Variants in MALRD1 observed in about 807,000 individuals in gnomAD.
The protein encoded by MALRD1 is MAM and LDL-receptor class A domain-containing protein 1.
Under a neutral mutation model 242.1 loss-of-function variants are expected in MALRD1, and 247 were observed. The ratio of observed to expected loss-of-function variants is 1.02; its 90% confidence interval spans 0.92 to 1.13. MALRD1 has a LOEUF of 1.13. Ranked by LOEUF, MALRD1 falls within the 50% of genes most tolerant of loss-of-function variation. MALRD1 has a pLI of 0.00. For synonymous variants in MALRD1, 995 were observed against 866.6 expected (o/e 1.15, Z -2.60); for missense variants, 2,989 against 2,533.1 (o/e 1.18, Z -3.86).
At chr10:19,157,671 C>A (rs1353241587) in intron 12 of MALRD1, among the ~76,000 whole-genome samples, 2 of 152,104 alleles carry the variant, frequency 1.3e-5, no homozygotes, top group Admixed American at 1.3e-4. Context: ...TTCATGGAAC[C>A]AATGTTCTTC....
chr10:19,388,200 G>C (rs1042007290), intron 27 of MALRD1, among the ~76,000 whole-genome samples: 5 of 152,082 alleles, frequency 3.3e-5, no homozygotes, highest in African/African-American at 1.2e-4. Flanking sequence ...TTAGGACCCA[G>C]TCATATTGGA....
intron 12 of MALRD1, among the ~76,000 whole-genome samples, chr10:19,158,260 A>G (rs1834251409): frequency 6.6e-6 from 1 of 152,272 alleles, no homozygotes. Context: ...AAATACAGGA[A>G]GATGGATAAT....
At position 19,161,102 on chromosome 10, in the gene MALRD1, C is replaced by G. The variant is rs558725933; in HGVS notation, c.1657-4535C>G. ...ACAATAGCAAAGACTTGGAACCAAC[C>G]CAAATGTCCAACAATGATAGACTGG... On this transcript the variant is annotated intron_variant, in intron 12 of 39. Coordinates refer to ENST00000454679, the MANE Select transcript of MALRD1 (RefSeq NM_001142308.3). Among the ~76,000 whole-genome samples the G allele has an allele frequency of 5.5e-3, 782 of 141,432 alleles. 8 individuals are homozygous for G. The highest frequency in any genetic ancestry group is 0.02 in the African/African-American group (749 of 37,952). 92.8% of individuals were successfully genotyped at this position (141,432 alleles called of 152,430 possible).
intron 28 of MALRD1, among the ~76,000 whole-genome samples, chr10:19,447,177 G>A (rs916424411): frequency 5.3e-5 from 8 of 151,754 alleles, no homozygotes; most frequent in Non-Finnish European, 7.4e-5. Context: ...AAATTAGTAC[G>A]TCTCCAGGTA....
At chr10:19,143,452 A>T (rs2131432339) in intron 10 of MALRD1, among the ~76,000 whole-genome samples, 1 of 152,324 alleles carries the variant, frequency 6.6e-6, no homozygotes, top group East Asian at 1.9e-4. Context: ...TGCTGTTTGC[A>T]TGGACTTGTA....
intron 4 of MALRD1, among the ~76,000 whole-genome samples, chr10:19,097,478 A>T (rs1333003287): frequency 6.6e-6 from 1 of 152,210 alleles, no homozygotes; most frequent in Non-Finnish European, 1.5e-5. Flanking sequence ...CATTTTTAAA[A>T]AATTGCAGAC....
intron 6 of MALRD1, among the ~76,000 whole-genome samples, chr10:19,124,208 C>A (rs1426389731): frequency 6.6e-6 from 1 of 151,956 alleles, no homozygotes; most frequent in Non-Finnish European, 1.5e-5. Flanking sequence ...AGAACAAGAC[C>A]CTGTCTCTTA....
chr10:19,177,726 G>A (rs1397471538), intron 14 of MALRD1, among the ~76,000 whole-genome samples: 1 of 152,106 alleles, frequency 6.6e-6, no homozygotes, highest in Non-Finnish European at 1.5e-5. Context: ...TTGGTGAAGA[G>A]CAAACAGCCA....
rs970268739 is a variant in MALRD1, at chr10:19,595,258, A to C, written c.5745A>C (p.Gln1915His). 2.6e-6 allele frequency: 4 copies of C among 1,550,138 alleles called. No homozygotes were observed. Among genetic ancestry groups the C allele is most frequent in the Non-Finnish European group, 3.5e-6 (4 of 1,146,684 alleles). ...ADQFSCIYTL[Q>H]CVPLSGKCDG... ...AGTTTTCTTGTATCTACACACTCCAATGTGTCCCTCTCTCAGGGAAATGTG... is the reference window on the plus strand; with the variant it reads ...AGTTTTCTTGTATCTACACACTCCACTGTGTCCCTCTCTCAGGGAAATGTG... Residue 1915 changes from glutamine to histidine, a missense_variant, in exon 34 of 40, where the codon CAA (glutamine) becomes CAC (histidine). Transcript: ENST00000454679.
At chr10:19,425,400 A>G (rs1833866758) in intron 28 of MALRD1, among the ~76,000 whole-genome samples, 1 of 152,192 alleles carries the variant, frequency 6.6e-6, no homozygotes, top group African/African-American at 2.4e-5. Flanking sequence ...GTAGCATTGA[A>G]TATGTTCTGG....
intron 38 of MALRD1, among the ~76,000 whole-genome samples, chr10:19,694,211 C>A (rs1356517677): frequency 1.3e-5 from 2 of 152,090 alleles, no homozygotes; most frequent in African/African-American, 2.4e-5. Flanking sequence ...GCAACAAAAG[C>A]CAAAATTGAC....
intron 21 of MALRD1, among the ~76,000 whole-genome samples, chr10:19,307,208 A>G (rs754693339): frequency 1.3e-4 from 20 of 150,774 alleles, no homozygotes; most frequent in Non-Finnish European, 1.5e-4. Context: ...GGACATAACT[A>G]TTCTCAGCTA....
At chr10:19,203,466 G>T (rs1255883146) in intron 14 of MALRD1, among the ~76,000 whole-genome samples, 1 of 152,138 alleles carries the variant, frequency 6.6e-6, no homozygotes, top group Non-Finnish European at 1.5e-5. Flanking sequence ...CAATCAGGCT[G>T]AATGATGCTG....
intron 31 of MALRD1, among the ~76,000 whole-genome samples, chr10:19,515,616 G>A (rs1368873026): frequency 2.0e-5 from 3 of 151,906 alleles, no homozygotes; most frequent in Admixed American, 1.3e-4. Flanking sequence ...CTGGAGCACA[G>A]TGGCCCGATC....
At chr10:19,578,702 G>T (rs10740923) in intron 33 of MALRD1, among the ~76,000 whole-genome samples, 75,900 of 148,674 alleles carry the variant, frequency 0.51, 19,206 homozygotes, top group Non-Finnish European at 0.53. Context: ...TCATGGCTGG[G>T]TTTTTTTTTT....
At chr10:19,059,096 A>G (rs1834747916) in intron 1 of MALRD1, among the ~76,000 whole-genome samples, 1 of 152,164 alleles carries the variant, frequency 6.6e-6, no homozygotes, top group Non-Finnish European at 1.5e-5. Context: ...TAATTTTATG[A>G]TATTAGGTTA....
chr10:19,605,532 C>A (rs1838574344), intron 34 of MALRD1, among the ~76,000 whole-genome samples: 1 of 148,756 alleles, frequency 6.7e-6, no homozygotes, highest in South Asian at 2.1e-4. Context: ...CCTTATCCAA[C>A]CTCCCTAGTC....
intron 10 of MALRD1, among the ~76,000 whole-genome samples, chr10:19,137,945 T>A (rs1255263845): frequency 2.0e-5 from 3 of 152,210 alleles, no homozygotes. Context: ...TTTACTGCAG[T>A]GTCTTATTTT....
intron 20 of MALRD1, among the ~76,000 whole-genome samples, chr10:19,281,098 AT>A (rs141982162): frequency 0.022 from 3,321 of 152,314 alleles, 141 homozygotes; most frequent in African/African-American, 0.077. Flanking sequence ...CTAGAAAAAA[AT>A]GTTTTTTAAT....
Sources: gnomAD v4.1 joint callset for allele counts (sites outside exome capture counted in the v4.1 genomes callset) on GRCh38, gnomAD v4.1.1 for gene constraint, MANE v1.5 for transcripts, NCBI Gene and HGNC (gene_info 2026-07-23, HGNC 2026-07-21) for gene names.